The following ESAM variants were observed in gnomAD, a reference collection of about 807,000 sequenced individuals.
The protein encoded by ESAM is endothelial cell adhesion molecule.
In ESAM, 23 loss-of-function variants were observed where a neutral mutation model predicts 31.8. The observed-to-expected ratio is 0.72, with a 90% CI of 0.52 to 1.03. The LOEUF (loss-of-function observed/expected upper bound fraction) is 1.03. ESAM is among the 50% of genes least tolerant of loss of function. The pLI is 0.00. For missense variants in ESAM, 478 were observed against 488.9 expected, an observed-to-expected ratio of 0.98 and a Z score of 0.21; for synonymous variants, 216 against 207.2, an observed-to-expected ratio of 1.04 and a Z score of -0.37.
At chr11:124,755,550 A>C (rs1261015192) in intron 4 of ESAM, among the ~76,000 whole-genome samples, 3 of 152,216 alleles carry the variant, frequency 2.0e-5, no homozygotes, top group Non-Finnish European at 1.5e-5. Context: ...ATTTTTAAAA[A>C]GAAAAAGCTA....
intron 1 of ESAM, 108 bp from the exon 2 acceptor site, chr11:124,758,635 A>G: frequency 7.5e-7 from 1 of 1,329,078 alleles, no homozygotes; most frequent in Non-Finnish European, 9.9e-7. Flanking sequence ...CTTTAACTGG[A>G]AAGAGGAACC....
intron 1 of ESAM, among the ~76,000 whole-genome samples, chr11:124,761,873 C>T (rs536725248): frequency 6.6e-6 from 1 of 152,078 alleles, no homozygotes; most frequent in Non-Finnish European, 1.5e-5. Context: ...TTACCTCCCC[C>T]CGCCATCCGC....
At chr11:124,760,148 C>A (rs1476116886) in intron 1 of ESAM, among the ~76,000 whole-genome samples, 4 of 152,318 alleles carry the variant, frequency 2.6e-5, no homozygotes, top group African/African-American at 9.6e-5. Context: ...GGGGTCTGGG[C>A]ACATGCTCCT....
Position 124,756,135 on chromosome 11 carries a change from C to T in ESAM, c.607+72G>A. On this transcript the variant is annotated intron_variant, in intron 4 of 6. Transcript: ENST00000278927. ...TCAGCCTTGGCTCCCCTTTTCACCC[C>T]AGTCCCTGTGGTACCTCTCATCTTT... 6 of 1,598,740 alleles carry T rather than the reference C, an allele frequency of 3.8e-6. No homozygotes were observed. In the South Asian group the frequency reaches 5.6e-5, roughly 15 times the overall value.
chr11:124,756,249 G>A lies in ESAM; in HGVS notation c.565C>T (p.Arg189Trp), dbSNP rs375327056. The change falls in exon 4 of 7, where the codon CGG becomes TGG. Residue 189 changes from arginine to tryptophan, a missense_variant. Physicochemically the swap from Arg to Trp is moderately radical, Grantham distance 101. Coordinates refer to ENST00000278927, the MANE Select transcript of ESAM (RefSeq NM_138961.3). ...AAAGTCTGGAAGGATGGAAGCTGCC[G>A]ATCCCACTGGTATTGGACAGCGGGC... ...SKPAVQYQWDRQLPSFQTFFA... is the reference protein window; with the variant it reads ...SKPAVQYQWDWQLPSFQTFFA... 37 of 1,614,012 alleles carry A rather than the reference G, an allele frequency of 2.3e-5. No individual in the cohort carries two copies. The highest frequency in any genetic ancestry group is 3.3e-5 in the Admixed American group (2 of 60,010).
At position 124,756,345 on chromosome 11, in the gene ESAM, A is replaced by G; in HGVS notation, c.469T>C (p.Ser157Pro). ...TGGGGCACACCCTGGAGACGGCAGG[A>G]TGGAGGAGCTGGAGGAACTGGGCAG... Reference protein sequence around the residue: ...LNVLVPPAPPSCRLQGVPHVG... With the variant: ...LNVLVPPAPPPCRLQGVPHVG... The change falls in exon 4 of 7, where the codon TCC (serine) becomes CCC (proline). Residue 157 changes from serine (S) to proline (P), a missense_variant. Ser to Pro is a moderately conservative substitution (Grantham distance 74, BLOSUM62 -1). Coordinates refer to ENST00000278927, the MANE Select transcript of ESAM (RefSeq NM_138961.3). 1 of 1,607,114 alleles carries G rather than the reference A, an allele frequency of 6.2e-7. No homozygotes were observed. The highest frequency in any genetic ancestry group is 8.5e-7 in the Non-Finnish European group (1 of 1,176,492).
intron 1 of ESAM, among the ~76,000 whole-genome samples, 191 bp downstream of exon 1, chr11:124,761,894 A>G (rs1591432142): frequency 6.6e-6 from 1 of 152,224 alleles, no homozygotes; most frequent in East Asian, 1.9e-4. Flanking sequence ...CCCCACACCC[A>G]AACTGGGGGC....
chr11:124,756,745 G>C lies in ESAM; in HGVS notation c.250-3C>G. On this transcript the variant is annotated splice_region_variant and splice_polypyrimidine_tract_variant and intron_variant, in intron 2 of 6. Transcript: ENST00000278927. ...ACCCCATTGATGTAGGACAACACCTGGTGTGGGGCATAACACATCCCCGTC... is the reference window on the plus strand; with the variant it reads ...ACCCCATTGATGTAGGACAACACCTCGTGTGGGGCATAACACATCCCCGTC... The C allele has an allele frequency of 1.2e-6, 2 of 1,614,032 alleles. No homozygotes were observed. The highest frequency in any genetic ancestry group is 1.7e-6 in the Non-Finnish European group (2 of 1,179,998).
At chr11:124,761,654 G>C (rs1461345866) in intron 1 of ESAM, among the ~76,000 whole-genome samples, 2 of 152,100 alleles carry the variant, frequency 1.3e-5, no homozygotes, top group African/African-American at 4.8e-5. Context: ...GGGACCAGGG[G>C]TATTTCCCCG....
At chr11:124,761,856 G>A (rs1178726177) in intron 1 of ESAM, among the ~76,000 whole-genome samples, 1 of 152,044 alleles carries the variant, frequency 6.6e-6, no homozygotes, top group Non-Finnish European at 1.5e-5. Flanking sequence ...TCTTCCGAGA[G>A]ATGCCCTTAC....
Position 124,758,516 on chromosome 11 carries a change from G to A in ESAM, c.82C>T (p.Arg28Trp), listed in dbSNP as rs758452996. ...LGLSALAPPS[R>W]AQLQLHLPAN... ...GGCAAGTGCAGTTGCAGCTGGGCCC[G>A]CGAGGGGGGCGCTGGAGACAAGAGC... The change falls in exon 2 of 7, where the codon CGG becomes TGG. Residue 28 changes from arginine (R) to tryptophan (W), a missense_variant. Coordinates refer to ENST00000278927, the MANE Select transcript of ESAM (RefSeq NM_138961.3). The A allele has an allele frequency of 5.1e-6, 8 of 1,562,376 alleles. No individual in the cohort carries two copies. Among genetic ancestry groups the A allele is most frequent in the Non-Finnish European group, 6.1e-6 (7 of 1,154,344 alleles).
In ESAM at chr11:124,762,026, A is replaced by G. The variant is rs1162232111; in HGVS notation, c.70+59T>C. The G allele has an allele frequency of 6.8e-7, 1 of 1,481,048 alleles. No homozygotes were observed. Among genetic ancestry groups the G allele is most frequent in the Non-Finnish European group, 9.3e-7 (1 of 1,075,348 alleles). 91.7% of individuals were successfully genotyped at this position (1,481,048 alleles called of 1,614,324 possible). A position where few individuals can be genotyped will look rare whatever the true frequency, so the allele number is the denominator to read the frequency against. On this transcript the variant is annotated intron_variant, in intron 1 of 6. Transcript: ENST00000278927. The surrounding 1 kb of genome is among the most constrained non-coding windows in gnomAD (Gnocchi z 6.4). ...GCAGCAGTGGCCAAAGTTCTCCCTCAGGGTCGAACTCACCCCATCCCGCAT... is the reference window on the plus strand; with the variant it reads ...GCAGCAGTGGCCAAAGTTCTCCCTCGGGGTCGAACTCACCCCATCCCGCAT...
At chr11:124,757,036 T>C (rs1427554253) in intron 2 of ESAM, 8 of 401,622 alleles carry the variant, frequency 2.0e-5, no homozygotes, top group Non-Finnish European at 3.7e-5. Context: ...GAGGTATGTA[T>C]ATATGCAACT....
In ESAM at chr11:124,758,431, A is replaced by T. The variant is rs756049796; in HGVS notation, c.167T>A (p.Leu56Ter). Residue 56 changes from leucine to a stop codon, truncating the protein, a stop_gained, in exon 2 of 7, where the codon TTG becomes TAG. Coordinates refer to ENST00000278927, the MANE Select transcript of ESAM (RefSeq NM_138961.3). LOFTEE classifies it high-confidence loss of function. ...GEVVLPAWYT[L>*]HGEVSSSQPW... The stretch of plus-strand genomic sequence containing the variant: ...CTGGGATGAAGACACCTCCCCGTGC[A>T]AGGTGTACCACGCTGGAAGCACCAC... 8 of 1,614,122 alleles carry T rather than the reference A, an allele frequency of 5.0e-6. No individual in the cohort carries two copies. The Admixed American group carries it at 1.3e-4, about 27-fold the overall frequency.
In ESAM at chr11:124,754,741, G is replaced by A. The variant is rs1224559896; in HGVS notation, c.630C>T (p.Ser210=). ...PALDVIRGSL[S]LTNLSSSMAG... Reference sequence around the variant, plus strand: ...CCATGGAAGACGAAAGGTTGGTGAGGCTTAAAGACCCACGGATGACATCTG... The same window carrying A: ...CCATGGAAGACGAAAGGTTGGTGAGACTTAAAGACCCACGGATGACATCTG... Residue 210 remains serine (S), a synonymous_variant, in exon 5 of 7, where the codon AGC becomes AGT. Coordinates refer to ENST00000278927, the MANE Select transcript of ESAM (RefSeq NM_138961.3). The surrounding 1 kb of genome is among the most constrained non-coding windows in gnomAD (Gnocchi z 4.5). 2 of 1,613,952 alleles carry A rather than the reference G, an allele frequency of 1.2e-6. No homozygotes were observed. The highest frequency in any genetic ancestry group is 1.3e-5 in the African/African-American group (1 of 75,000).
chr11:124,761,650 A>G (rs1391222517), intron 1 of ESAM, among the ~76,000 whole-genome samples: 1 of 152,058 alleles, frequency 6.6e-6, no homozygotes, highest in Non-Finnish European at 1.5e-5. Flanking sequence ...CCTGGGGACC[A>G]GGGGTATTTC....
chr11:124,755,388 A>C (rs1180422587), intron 4 of ESAM, among the ~76,000 whole-genome samples: 3 of 152,004 alleles, frequency 2.0e-5, no homozygotes, highest in Non-Finnish European at 4.4e-5. Context: ...TAAAACTTAA[A>C]GTATAATAAT....
Position 124,762,074 on chromosome 11 carries a change from GT to G in ESAM, c.70+10del. 6.2e-7 allele frequency: 1 copy of G among 1,610,432 alleles called. No homozygotes were observed. The highest frequency in any genetic ancestry group is 8.5e-7 in the Non-Finnish European group (1 of 1,178,288). ...CATCCCAAGTCCCCTCCAGGTCCGG[GT>G]TTCACTCACCGAGGGCACTCAGCCC... On this transcript the variant is annotated intron_variant, in intron 1 of 6. Transcript: ENST00000278927. The surrounding 1 kb of genome is among the most constrained non-coding windows in gnomAD (Gnocchi z 6.4).
In ESAM at chr11:124,758,447, G is replaced by C. The variant is rs775739901; in HGVS notation, c.151C>G (p.Pro51Ala). 3 of 1,613,796 alleles carry C rather than the reference G, an allele frequency of 1.9e-6. No individual in the cohort carries two copies. The East Asian group carries it at 6.7e-5, about 36-fold the overall frequency. Reference protein sequence around the residue: ...QAVEGGEVVLPAWYTLHGEVS... With the variant: ...QAVEGGEVVLAAWYTLHGEVS... ...TCCCCGTGCAAGGTGTACCACGCTG[G>C]AAGCACCACTTCCCCTCCCTCCACC... is the stretch of plus-strand genomic sequence containing the variant. The change falls in exon 2 of 7, where the codon CCA becomes GCA. Residue 51 changes from proline (P) to alanine (A), a missense_variant. By Grantham distance (27) the Pro-to-Ala change is conservative (BLOSUM62 -1). Coordinates refer to ENST00000278927, the MANE Select transcript of ESAM (RefSeq NM_138961.3).
Sources: allele counts gnomAD v4.1 joint callset (sites outside exome capture counted in the v4.1 genomes callset), GRCh38; gene constraint gnomAD v4.1.1; non-coding constraint Gnocchi (gnomAD v3.1); transcripts MANE v1.5; gene names NCBI Gene and HGNC (gene_info 2026-07-23, HGNC 2026-07-21).